The following DISC1 variants were observed in gnomAD, a reference collection of about 807,000 sequenced individuals.
The protein encoded by DISC1 is disrupted in schizophrenia 1 protein.
In DISC1, 57 loss-of-function variants were observed where a neutral mutation model predicts 84.5. That is an observed-to-expected ratio of 0.67 (90% CI 0.55 to 0.84). DISC1 has a LOEUF of 0.84. Among genes scored for constraint, DISC1 ranks in the 40% least tolerant of loss-of-function variants. The pLI is 0.00. For missense variants in DISC1, 1,000 were observed against 1,057.8 expected, an observed-to-expected ratio of 0.95 and a Z score of 0.76; for synonymous variants, 411 against 415.2, an observed-to-expected ratio of 0.99 and a Z score of 0.12.
At chr1:231,915,717 G>C (rs929166736) in intron 9 of DISC1, among the ~76,000 whole-genome samples, 2 of 152,338 alleles carry the variant, frequency 1.3e-5, no homozygotes, top group East Asian at 3.9e-4. Context: ...GGTGGATGTT[G>C]CAGTGAGCTG....
intron 9 of DISC1, among the ~76,000 whole-genome samples, chr1:231,918,839 T>G (rs2089814991): frequency 1.3e-5 from 2 of 152,194 alleles, no homozygotes; most frequent in South Asian, 4.1e-4. Context: ...CTGGAAGGCT[T>G]CGTGCACCAG....
chr1:231,936,129 T>C (rs1477786618), intron 9 of DISC1, among the ~76,000 whole-genome samples: 1 of 152,212 alleles, frequency 6.6e-6, no homozygotes, highest in Non-Finnish European at 1.5e-5. Context: ...CACCCTGAGC[T>C]GACCTCCCAA....
At chr1:231,864,195 A>G (rs1301076975) in intron 9 of DISC1, among the ~76,000 whole-genome samples, 2 of 152,176 alleles carry the variant, frequency 1.3e-5, no homozygotes. Context: ...CTCATTTCTG[A>G]GGGCAAATTT....
chr1:231,723,854 C>A, intron 3 of DISC1: 11 of 985,406 alleles, frequency 1.1e-5, no homozygotes, highest in South Asian at 4.7e-5. Flanking sequence ...CATCTTCTTA[C>A]CCAAACAACC....
intron 2 of DISC1, among the ~76,000 whole-genome samples, chr1:231,701,530 G>A (rs1279478511): frequency 6.6e-6 from 1 of 152,202 alleles, no homozygotes; most frequent in Non-Finnish European, 1.5e-5. Context: ...CTTCAGGACA[G>A]CCTGCTGAGC....
At chr1:231,824,335 T>A (rs1189610229) in intron 9 of DISC1, among the ~76,000 whole-genome samples, 1 of 152,108 alleles carries the variant, frequency 6.6e-6, no homozygotes, top group Non-Finnish European at 1.5e-5. Flanking sequence ...TAAAAAAAAA[T>A]GTCAAATAGG....
chr1:232,013,506 A>G (rs1668212453), intron 11 of DISC1, among the ~76,000 whole-genome samples: 2 of 128,486 alleles, frequency 1.6e-5, no homozygotes, highest in South Asian at 5.0e-4. Flanking sequence ...TATAACAAAA[A>G]CAAGTTAACG....
chr1:231,780,169 A>G (rs1380839722), intron 6 of DISC1, among the ~76,000 whole-genome samples: 2 of 150,068 alleles, frequency 1.3e-5, no homozygotes, highest in African/African-American at 4.9e-5. Context: ...GTGCACCAGC[A>G]TGGCACATGT....
chr1:232,027,379 GATAGAATTTCTTGCACCAGACTTA>G (rs536541111), intron 12 of DISC1, among the ~76,000 whole-genome samples: 1 of 152,314 alleles, frequency 6.6e-6, no homozygotes, highest in Non-Finnish European at 1.5e-5. Flanking sequence ...GCTTCCCGGT[GATAGAATTTCTTGCACCAGACTTA>G]ATATCCTTGG....
At position 231,916,654 on chromosome 1, in the gene DISC1, CAAAAAAA is replaced by C. The variant is rs3083755; in HGVS notation, c.1982-42161_1982-42155del. ...TGGGCGACAGAGCGAGACTCCGTCT[CAAAAAAA>C]AAAAAAAAAAAAGAAAGTTCCGAAG... is the stretch of plus-strand genomic sequence containing the variant. On this transcript the variant is annotated intron_variant, in intron 9 of 12. Transcript: ENST00000439617. Among the ~76,000 whole-genome samples, 10 of 102,074 alleles carry C rather than the reference CAAAAAAA, an allele frequency of 9.8e-5. No homozygotes were observed. In the South Asian group the frequency reaches 2.8e-3, roughly 29 times the overall value. 67.0% of individuals were successfully genotyped at this position (102,074 alleles called of 152,430 possible).
chr1:231,816,301 G>C (rs1426595131), intron 8 of DISC1, among the ~76,000 whole-genome samples: 1 of 152,246 alleles, frequency 6.6e-6, no homozygotes, highest in East Asian at 1.9e-4. Context: ...CACCATTTGT[G>C]TTTTAATTGT....
intron 10 of DISC1, among the ~76,000 whole-genome samples, chr1:231,999,275 G>A (rs1490144175): frequency 1.3e-5 from 2 of 152,154 alleles, no homozygotes; most frequent in East Asian, 1.9e-4. Flanking sequence ...CTGAAAGACC[G>A]TGAGAGGACA....
chr1:231,804,650 A>G (rs539114894), intron 8 of DISC1, among the ~76,000 whole-genome samples: 3 of 152,120 alleles, frequency 2.0e-5, no homozygotes, highest in Non-Finnish European at 4.4e-5. Flanking sequence ...GTGTTCTCCC[A>G]TTGGCCACAG....
rs4658952 is a variant in DISC1, at chr1:231,836,637, G to T, written c.1981+18120G>T. Among the ~76,000 whole-genome samples, 111 of 152,194 alleles carry T rather than the reference G, an allele frequency of 7.3e-4. 1 individual carries two copies. Among genetic ancestry groups the T allele is most frequent in the South Asian group, 1.9e-3 (9 of 4,812 alleles). On this transcript the variant is annotated intron_variant, in intron 9 of 12. Transcript: ENST00000439617. ...CTCCAGCCCGACTATGTCTTCCCAC[G>T]GCTTTTGGCTGCTCCCATTGGCTTT...
intron 1 of DISC1, among the ~76,000 whole-genome samples, chr1:231,670,075 G>A (rs1028880343): frequency 6.6e-6 from 1 of 151,940 alleles, no homozygotes; most frequent in African/African-American, 2.4e-5. Context: ...TGGATGGAGC[G>A]GGAGGCCATT....
At chr1:231,777,159 A>G (rs1247910802) in intron 6 of DISC1, among the ~76,000 whole-genome samples, 1 of 152,056 alleles carries the variant, frequency 6.6e-6, no homozygotes, top group African/African-American at 2.4e-5. Context: ...TCATCTGGAG[A>G]AAGAGGAGAG....
rs574663073 is a variant in DISC1, at chr1:231,717,840, T to TA, written c.1117+15824dup. Among the ~76,000 whole-genome samples, 3 of 151,938 alleles carry TA rather than the reference T, an allele frequency of 2.0e-5. No individual in the cohort carries two copies. The East Asian group carries it at 5.8e-4, about 29-fold the overall frequency. Reference sequence around the variant, plus strand: ...CTTGACAGTCAAATCTCTTCATTAATAAAAAAAAGACTTGAATTCATGGCA... The same window carrying TA: ...CTTGACAGTCAAATCTCTTCATTAATAAAAAAAAAGACTTGAATTCATGGCA... On this transcript the variant is annotated intron_variant, in intron 3 of 12. Coordinates refer to ENST00000439617, the MANE Select transcript of DISC1 (RefSeq NM_018662.3).
At position 231,766,087 on chromosome 1, in the gene DISC1, C is replaced by T. The variant is rs896633383; in HGVS notation, c.1269-1053C>T. On this transcript the variant is annotated intron_variant, in intron 4 of 12. Transcript: ENST00000439617. The stretch of plus-strand genomic sequence containing the variant: ...GGAGGATCACTTGAGGTCAGGAATT[C>T]GAGACCAGCCTGGCCAACATGGTGA... Among the ~76,000 whole-genome samples, 4 of 151,832 alleles carry T rather than the reference C, an allele frequency of 2.6e-5. No homozygotes were observed. The East Asian group carries it at 5.8e-4, about 22-fold the overall frequency.
chr1:231,700,604 C>A (rs559105485), intron 2 of DISC1, among the ~76,000 whole-genome samples: 1 of 152,044 alleles, frequency 6.6e-6, no homozygotes, highest in African/African-American at 2.4e-5. Flanking sequence ...TGTATAGGGC[C>A]GGGGTTGGTT....
Sources: gnomAD v4.1 joint callset for allele counts (sites outside exome capture counted in the v4.1 genomes callset) on GRCh38, gnomAD v4.1.1 for gene constraint, MANE v1.5 for transcripts, NCBI Gene and HGNC (gene_info 2026-07-23, HGNC 2026-07-21) for gene names.